SAFB2: variants seen among roughly 807,000 people sequenced by gnomAD.
SAFB2 encodes the protein scaffold attachment factor B2.
SAFB2 carries 32 observed loss-of-function variants against 100.6 expected under a neutral mutation model. The observed-to-expected ratio is 0.32, with a 90% CI of 0.24 to 0.43. The LOEUF (loss-of-function observed/expected upper bound fraction) is 0.43. Ranked by LOEUF, SAFB2 falls within the 20% of genes least tolerant of loss-of-function variation. The pLI is 1.00. For synonymous variants in SAFB2, 500 were observed against 439.4 expected, an observed-to-expected ratio of 1.14 and a Z score of -1.72; for missense variants, 1,185 against 1,163.4, an observed-to-expected ratio of 1.02 and a Z score of -0.27.
Position 5,587,925 on chromosome 19 carries a change from C to T in SAFB2, c.2581G>A (p.Ala861Thr), listed in dbSNP as rs180719319. 55 of 1,612,732 alleles carry T rather than the reference C, an allele frequency of 3.4e-5. No homozygotes were observed. The highest frequency in any genetic ancestry group is 5.3e-5 in the African/African-American group (4 of 75,064). The change falls in exon 19 of 21, where the codon GCC becomes ACC. Residue 861 changes from alanine (A) to threonine (T), a missense_variant. By Grantham distance (58) the Ala-to-Thr change is moderately conservative. Transcript: ENST00000252542. This position sits in a 1 kb window ranked among gnomAD's most constrained non-coding sequence, Gnocchi z 4.9. ...NQRLEEHQAR[A>T]WQGAMDAGAA... ...CCTGCGTCCATGGCACCCTGCCAGG[C>T]GCGTGCCTGGTGCTCCTCTAGCCGC...
At position 5,622,180 on chromosome 19, in the gene SAFB2, A is replaced by G. The variant is rs796831481; in HGVS notation, c.186+350T>C. 3.3e-5 allele frequency among the ~76,000 whole-genome samples: 5 copies of G among 152,288 alleles called. 1 individual carries two copies. Among genetic ancestry groups the G allele is most frequent in the African/African-American group, 1.2e-4 (5 of 41,562 alleles). ...AGTCCGCCAGACACCCATTCTCCGG[A>G]GGAGGAAACTGAGGCACAGAGAGAA... On this transcript the variant is annotated intron_variant, in intron 1 of 20. Coordinates refer to ENST00000252542, the MANE Select transcript of SAFB2 (RefSeq NM_014649.3).
At chr19:5,595,987 G>A (rs187131513) in intron 13 of SAFB2, among the ~76,000 whole-genome samples, 3 of 152,294 alleles carry the variant, frequency 2.0e-5, no homozygotes, top group East Asian at 1.9e-4. Context: ...ATGCCAGGCC[G>A]GGCGCAGTGG....
intron 6 of SAFB2, chr19:5,611,891 A>G (rs2052915420): frequency 4.9e-6 from 3 of 606,290 alleles, no homozygotes; most frequent in Non-Finnish European, 5.9e-6. Context: ...GCTGGTTCTC[A>G]ATAGTCTTCT....
chr19:5,590,368 T>G lies in SAFB2; in HGVS notation c.2435A>C (p.Glu812Ala), dbSNP rs1447685722. ...ATCACGGGAGTCCCGGCCGTGGCGC[T>G]CTGGGGGTCCTCCGTGGCCATGGCG... ...DDRHGHGGPP[E>A]RHGRDSRDGW... is the part of the protein sequence containing the mutation. The change falls in exon 18 of 21, where the codon GAG becomes GCG. Residue 812 changes from glutamate (E) to alanine (A), a missense_variant. Transcript: ENST00000252542. 6.2e-7 allele frequency: 1 copy of G among 1,611,956 alleles called. No homozygotes were observed. The highest frequency in any genetic ancestry group is 1.1e-5 in the South Asian group (1 of 90,548).
chr19:5,610,046 G>A lies in SAFB2; in HGVS notation c.1245C>T (p.Ser415=), dbSNP rs2052873726. 2 of 1,614,168 alleles carry A rather than the reference G, an allele frequency of 1.2e-6. No individual in the cohort carries two copies. The highest frequency in any genetic ancestry group is 1.7e-6 in the Non-Finnish European group (2 of 1,180,036). Residue 415 remains serine (S), a synonymous_variant, in exon 9 of 21, where the codon TCC becomes TCT. Coordinates refer to ENST00000252542, the MANE Select transcript of SAFB2 (RefSeq NM_014649.3). The part of the protein sequence containing the change: ...SGRNLWVSGL[S]STTRATDLKN... ...TGAGATCCGTAGCGCGTGTTGTGGA[G>A]GACAGCCCGCTGACCCACAGGTTCC...
chr19:5,615,944 G>A (rs1255748325), intron 4 of SAFB2, among the ~76,000 whole-genome samples, 188 bp downstream of exon 4: 2 of 152,218 alleles, frequency 1.3e-5, no homozygotes, highest in African/African-American at 4.8e-5. Context: ...CAGTGCTACA[G>A]AAAAGCTATC....
intron 15 of SAFB2, chr19:5,593,572 T>G (rs1012838620): frequency 6.7e-6 from 2 of 297,068 alleles, no homozygotes; most frequent in Admixed American, 5.0e-5. Flanking sequence ...TTCGGTTGTC[T>G]CGCAAGACAG....
chr19:5,616,810 C>T (rs2053044276), intron 2 of SAFB2, among the ~76,000 whole-genome samples: 1 of 151,872 alleles, frequency 6.6e-6, no homozygotes, highest in Non-Finnish European at 1.5e-5. Context: ...CATCACCATG[C>T]CCAGCTTATT....
intron 9 of SAFB2, 137 bp from the exon 10 acceptor site, chr19:5,605,073 T>G: frequency 1.0e-6 from 1 of 989,910 alleles, no homozygotes; most frequent in Non-Finnish European, 1.5e-6. Context: ...AGTTACTGAA[T>G]TGGTTCTAAT....
At chr19:5,604,539 C>A in intron 11 of SAFB2, 44 bp downstream of exon 11, 4 of 1,512,982 alleles carry the variant, frequency 2.6e-6, no homozygotes, top group Non-Finnish European at 3.7e-6. Flanking sequence ...TGCCCGTGCC[C>A]TCCTCCCAGG....
In SAFB2 at chr19:5,612,491, T is replaced by C. The variant is rs2052929483; in HGVS notation, c.634+49A>G. 5 of 1,530,154 alleles carry C rather than the reference T, an allele frequency of 3.3e-6. No homozygotes were observed. In the East Asian group the frequency reaches 9.0e-5, roughly 28 times the overall value. The allele number at this position is 1,530,154 out of a possible 1,614,324, so 94.8% of individuals were successfully genotyped here. On this transcript the variant is annotated intron_variant, in intron 6 of 20. Coordinates refer to ENST00000252542, the MANE Select transcript of SAFB2 (RefSeq NM_014649.3). The stretch of plus-strand genomic sequence containing the variant: ...TAAAATATAGACAGCTTTAAAATAA[T>C]AGTGTGAAAACTTTCAAACCATAAC...
intron 2 of SAFB2, among the ~76,000 whole-genome samples, chr19:5,620,517 T>C (rs1037925340): frequency 3.9e-5 from 6 of 152,264 alleles, no homozygotes; most frequent in Non-Finnish European, 7.3e-5. Context: ...GAAGTATCAA[T>C]ACATGTTACA....
chr19:5,617,794 G>A (rs2053063418), intron 2 of SAFB2, among the ~76,000 whole-genome samples: 1 of 152,188 alleles, frequency 6.6e-6, no homozygotes, highest in Non-Finnish European at 1.5e-5. Context: ...ACCATCCAAT[G>A]TCTCACAATA....
In SAFB2 at chr19:5,616,274, A is replaced by C; in HGVS notation, c.401T>G (p.Leu134Arg). 2 of 1,614,184 alleles carry C rather than the reference A, an allele frequency of 1.2e-6. No individual in the cohort carries two copies. The highest frequency in any genetic ancestry group is 1.7e-6 in the Non-Finnish European group (2 of 1,180,020). The change falls in exon 4 of 21, where the codon CTA (leucine) becomes CGA (arginine). Residue 134 changes from leucine to arginine, a missense_variant. Leu to Arg is a moderately radical substitution (Grantham distance 102, BLOSUM62 -2). Transcript: ENST00000252542. The part of the protein sequence containing the change: ...QNMGMMDMSV[L>R]DETEVANSSA... ...GCTATTCGCCACTTCAGTTTCGTCT[A>C]GCACACTCATGTCCATCATGCCCAT...
chr19:5,600,127 C>T lies in SAFB2; in HGVS notation c.1690+3G>A. On this transcript the variant is annotated splice_donor_region_variant and intron_variant, in intron 12 of 20. Transcript: ENST00000252542. Reference sequence around the variant, plus strand: ...TCCACAGCTCTTAAAAGGCTCTCCTCACCTGATTTGGTGACTCTAGACCGA... The same window carrying T: ...TCCACAGCTCTTAAAAGGCTCTCCTTACCTGATTTGGTGACTCTAGACCGA... 1.2e-6 allele frequency: 2 copies of T among 1,610,292 alleles called. No individual in the cohort carries two copies. The highest frequency in any genetic ancestry group is 8.5e-7 in the Non-Finnish European group (1 of 1,179,020).
chr19:5,611,293 G>A lies in SAFB2; in HGVS notation c.972C>T (p.Ser324=), dbSNP rs1334709328. 1.9e-5 allele frequency: 7 copies of A among 362,380 alleles called. No homozygotes were observed. The highest frequency in any genetic ancestry group is 2.7e-5 in the Non-Finnish European group (6 of 222,530). 22.4% of individuals were successfully genotyped at this position (362,380 alleles called of 1,614,324 possible). A position where few individuals can be genotyped will look rare whatever the true frequency, so the allele number is the denominator to read the frequency against. ...CCTCGCTAGAGGCCTCCGCGAGCTC[G>A]GAGGCCGCACTACTCTGCTCAACTG... ...EPAVEQSSAA[S]ELAEASSEEL... is the part of the protein sequence containing the mutation. Residue 324 remains serine, a synonymous_variant, in exon 7 of 21, where the codon TCC becomes TCT. Transcript: ENST00000252542.
Position 5,587,628 on chromosome 19 carries a change from C to G in SAFB2, c.2705+73G>C. On this transcript the variant is annotated intron_variant, in intron 20 of 20. Coordinates refer to ENST00000252542, the MANE Select transcript of SAFB2 (RefSeq NM_014649.3). This position sits in a 1 kb window ranked among gnomAD's most constrained non-coding sequence, Gnocchi z 4.9. Reference sequence around the variant, plus strand: ...ATAACATCCAACCCAGCCAGCTGATCAAACATGCAAAAAAGGGAGAGGAAG... The same window carrying G: ...ATAACATCCAACCCAGCCAGCTGATGAAACATGCAAAAAAGGGAGAGGAAG... 3 of 1,480,546 alleles carry G rather than the reference C, an allele frequency of 2.0e-6. No homozygotes were observed. The Middle Eastern group carries it at 5.3e-4, about 263-fold the overall frequency. The allele number at this position is 1,480,546 out of a possible 1,614,324, so 91.7% of individuals were successfully genotyped here.
chr19:5,604,758 C>T lies in SAFB2; in HGVS notation c.1446+29G>A, dbSNP rs374465078. 16 of 1,613,728 alleles carry T rather than the reference C, an allele frequency of 9.9e-6. No homozygotes were observed. The East Asian group carries it at 1.6e-4, about 16-fold the overall frequency. On this transcript the variant is annotated intron_variant, in intron 10 of 20. Transcript: ENST00000252542. ...GCTTCTCACTTGCAAACTCCATTTG[C>T]GAGTTACCATAGACGAGAACTGCCT...
rs1231216105 is a variant in SAFB2, at chr19:5,590,275, A to G, written c.2525+3T>C. On this transcript the variant is annotated splice_donor_region_variant and intron_variant, in intron 18 of 20. Coordinates refer to ENST00000252542, the MANE Select transcript of SAFB2 (RefSeq NM_014649.3). ...CCCACCCGGCTGGGGCTCACCCACT[A>G]ACCTGGGGGGAGGGGGCAGCCCCCG... 3.1e-6 allele frequency: 5 copies of G among 1,588,084 alleles called. No individual in the cohort carries two copies. The highest frequency in any genetic ancestry group is 4.3e-6 in the Non-Finnish European group (5 of 1,168,132).
Sources: allele counts gnomAD v4.1 joint callset (sites outside exome capture counted in the v4.1 genomes callset), GRCh38; gene constraint gnomAD v4.1.1; non-coding constraint Gnocchi (gnomAD v3.1); transcripts MANE v1.5; gene names NCBI Gene and HGNC (gene_info 2026-07-23, HGNC 2026-07-21).